GLDN: variants seen among roughly 807,000 people sequenced by gnomAD.
GLDN encodes the protein collomin.
In GLDN, 47 loss-of-function variants were observed where a neutral mutation model predicts 56.5. The ratio of observed to expected loss-of-function variants is 0.83; its 90% CI spans 0.66 to 1.06. GLDN has a LOEUF of 1.06. Among genes scored for constraint, GLDN ranks in the 50% least tolerant of loss-of-function variants. The probability of loss-of-function intolerance (pLI) is 0.00; values close to 1 mark genes in which losing one functional copy is unlikely to be tolerated. For missense variants in GLDN, 782 were observed against 714.3 expected (o/e 1.09, Z -1.08); for synonymous variants, 332 against 278.8 (o/e 1.19, Z -1.90).
At chr15:51,383,345 A>C in intron 2 of GLDN, 91 bp from the exon 3 acceptor site, 1 of 1,333,166 alleles carries the variant, frequency 7.5e-7, no homozygotes, top group Non-Finnish European at 1.1e-6. Flanking sequence ...GCTTAGGGTC[A>C]GTAGATAATT....
In GLDN at chr15:51,407,018, GGTT is replaced by G. The variant is rs1367970507; in HGVS notation, c.*2268_*2270del. The G allele has an allele frequency of 6.6e-6, 1 of 152,160 alleles. No individual in the cohort carries two copies. Among genetic ancestry groups the G allele is most frequent in the African/African-American group, 2.4e-5 (1 of 41,424 alleles). 9.4% of individuals were successfully genotyped at this position (152,160 alleles called of 1,614,324 possible). A position where few individuals can be genotyped will look rare whatever the true frequency, so the allele number is the denominator to read the frequency against. On this transcript the variant is annotated 3_prime_UTR_variant, in exon 10 of 10. Coordinates refer to ENST00000335449, the MANE Select transcript of GLDN (RefSeq NM_181789.4). ...TGTATATAAGGTAGCAACCAAAAGA[GGTT>G]GTTAATTAGCACATATTCCTTTTAG...
At chr15:51,357,796 A>G (rs944402221) in intron 1 of GLDN, among the ~76,000 whole-genome samples, 5 of 152,142 alleles carry the variant, frequency 3.3e-5, no homozygotes, top group Non-Finnish European at 7.4e-5. Context: ...TTGAGGCCCT[A>G]TCCTCTAGGA....
chr15:51,402,615 C>T (rs948897795), intron 9 of GLDN, among the ~76,000 whole-genome samples: 8 of 152,204 alleles, frequency 5.3e-5, no homozygotes, highest in African/African-American at 2.4e-5. Context: ...CCTACTCATT[C>T]AAAACAAGAG....
intron 1 of GLDN, among the ~76,000 whole-genome samples, chr15:51,360,802 T>A (rs2037283345): frequency 6.6e-6 from 1 of 152,216 alleles, no homozygotes; most frequent in Admixed American, 6.5e-5. Flanking sequence ...GGGGCCATTA[T>A]ATACTTATTG....
At chr15:51,343,633 T>C (rs1475154346) in intron 1 of GLDN, among the ~76,000 whole-genome samples, 2 of 152,232 alleles carry the variant, frequency 1.3e-5, no homozygotes, top group Non-Finnish European at 2.9e-5. Context: ...AACTATCACA[T>C]GTGTCAGACT....
At chr15:51,411,168 T>C (rs1006636362), downstream of GLDN, among the ~76,000 whole-genome samples, 2 of 152,226 alleles carry the variant, frequency 1.3e-5, no homozygotes, top group African/African-American at 4.8e-5. Context: ...TGAGCGTGAC[T>C]AATCACCAAT....
chr15:51,378,140 T>C (rs967908578), intron 2 of GLDN, among the ~76,000 whole-genome samples: 8 of 152,026 alleles, frequency 5.3e-5, no homozygotes, highest in Admixed American at 1.3e-4. Flanking sequence ...GCAATGTGAG[T>C]TTGCTGAGTG....
chr15:51,408,140 C>G (rs534107500), downstream of GLDN: 1 of 152,196 alleles, frequency 6.6e-6, no homozygotes, highest in Non-Finnish European at 1.5e-5. Flanking sequence ...CTAGCTCCTT[C>G]TGAATACAGT....
chr15:51,383,507 T>C lies in GLDN; in HGVS notation c.433+54T>C, dbSNP rs2037814475. 3.1e-6 allele frequency: 5 copies of C among 1,598,572 alleles called. No individual in the cohort carries two copies. In the Admixed American group the frequency reaches 8.3e-5, roughly 27 times the overall value. The stretch of plus-strand genomic sequence containing the variant: ...GGGGAGGCTGTGGGTGGCCAGACCC[T>C]AGGATCTCCCTGTTGGGACAGATGC... On this transcript the variant is annotated intron_variant, in intron 3 of 9. Coordinates refer to ENST00000335449, the MANE Select transcript of GLDN (RefSeq NM_181789.4).
At chr15:51,343,992 T>C (rs1415691611) in intron 1 of GLDN, among the ~76,000 whole-genome samples, 1 of 152,220 alleles carries the variant, frequency 6.6e-6, no homozygotes, top group African/African-American at 2.4e-5. Context: ...TCTCTAACAC[T>C]GAGTCTTTAT....
intron 1 of GLDN, among the ~76,000 whole-genome samples, chr15:51,365,602 G>A (rs1249346590): frequency 2.0e-5 from 3 of 152,102 alleles, no homozygotes; most frequent in Non-Finnish European, 4.4e-5. Context: ...CCTGTGCAAG[G>A]TCACACAGCC....
intron 1 of GLDN, among the ~76,000 whole-genome samples, chr15:51,350,525 C>T (rs2141049966): frequency 6.6e-6 from 1 of 152,292 alleles, no homozygotes. Context: ...TCTGAGCACA[C>T]CTGACACTGT....
chr15:51,402,688 G>T (rs779819440), intron 9 of GLDN, among the ~76,000 whole-genome samples: 1 of 152,318 alleles, frequency 6.6e-6, no homozygotes, highest in South Asian at 2.1e-4. Context: ...TACCCTTAGT[G>T]AGGTCCAGCT....
chr15:51,343,583 C>T (rs886157963), intron 1 of GLDN, among the ~76,000 whole-genome samples: 3 of 152,198 alleles, frequency 2.0e-5, no homozygotes, highest in South Asian at 2.1e-4. Context: ...TAGGTGACCT[C>T]GCAGTGCTAC....
intron 1 of GLDN, among the ~76,000 whole-genome samples, chr15:51,363,393 C>T (rs2037340164): frequency 6.6e-6 from 1 of 152,084 alleles, no homozygotes; most frequent in South Asian, 2.1e-4. Context: ...GCATAGGGCT[C>T]GGCTTATCAT....
intron 3 of GLDN, 129 bp downstream of exon 3, chr15:51,383,582 G>T (rs2037816905): frequency 1.7e-6 from 2 of 1,175,824 alleles, no homozygotes; most frequent in Non-Finnish European, 2.5e-6. Context: ...CTCCTTCTTT[G>T]TGCCCCTCAC....
intron 1 of GLDN, among the ~76,000 whole-genome samples, chr15:51,343,829 T>C (rs527281423): frequency 6.6e-6 from 1 of 152,308 alleles, no homozygotes; most frequent in East Asian, 1.9e-4. Context: ...CATATTACAG[T>C]GCAGATTCCA....
chr15:51,376,632 C>CACTT lies in GLDN; in HGVS notation c.364-815_364-814insTTAC, dbSNP rs147276626. On this transcript the variant is annotated intron_variant, in intron 1 of 9. Coordinates refer to ENST00000335449, the MANE Select transcript of GLDN (RefSeq NM_181789.4). Reference sequence around the variant, plus strand: ...TCTTTTACTTTTTGACTTGTAATAACACAACACAAACACATTGTACAGATC... The same window carrying CACTT: ...TCTTTTACTTTTTGACTTGTAATAACACTTACAACACAAACACATTGTACAGATC... Among the ~76,000 whole-genome samples, 762 of 152,272 alleles carry CACTT rather than the reference C, an allele frequency of 5.0e-3. 7 individuals carry two copies. Among genetic ancestry groups the CACTT allele is most frequent in the African/African-American group, 0.017 (718 of 41,542 alleles).
intron 5 of GLDN, 105 bp downstream of exon 5, chr15:51,395,086 T>C: frequency 8.9e-7 from 1 of 1,124,364 alleles, no homozygotes; most frequent in Non-Finnish European, 1.2e-6. Flanking sequence ...TTTATGGCCT[T>C]ATGTGGCCAT....
Sources: allele counts gnomAD v4.1 joint callset (sites outside exome capture counted in the v4.1 genomes callset), GRCh38; gene constraint gnomAD v4.1.1; transcripts MANE v1.5; gene names NCBI Gene and HGNC (gene_info 2026-07-23, HGNC 2026-07-21).